The following TNC variants were observed in gnomAD, a reference collection of about 807,000 sequenced individuals.
TNC encodes the protein tenascin C, also known as tenascin.
A neutral mutation model predicts 202.4 loss-of-function variants in TNC; 109 were observed. That is an observed-to-expected ratio of 0.54 (90% CI 0.46 to 0.63). The LOEUF is 0.63. Ranked by LOEUF, TNC falls within the 30% of genes least tolerant of loss-of-function variation. TNC has a pLI of 0.00. For missense variants in TNC, 2,756 were observed against 2,833.3 expected (o/e 0.97, Z 0.62); for synonymous variants, 1,007 against 1,089.7 (o/e 0.92, Z 1.50).
intron 16 of TNC, among the ~76,000 whole-genome samples, 170 bp downstream of exon 16, chr9:115,048,090 T>G (rs544960474): frequency 1.3e-5 from 2 of 152,236 alleles, no homozygotes; most frequent in East Asian, 3.9e-4. Context: ...GGAGTGTTCA[T>G]TAAGTACATA....
At chr9:115,117,573 C>G (rs1280805930) in intron 1 of TNC, among the ~76,000 whole-genome samples, 1 of 152,206 alleles carries the variant, frequency 6.6e-6, no homozygotes, top group Non-Finnish European at 1.5e-5. Context: ...CTATCAAACT[C>G]CCTCTAACCC....
intron 1 of TNC, 32 bp from the exon 2 acceptor site, chr9:115,091,186 G>A (rs1246284627): frequency 2.0e-5 from 12 of 609,702 alleles, no homozygotes; most frequent in Non-Finnish European, 3.5e-5. Flanking sequence ...AAAATTATGA[G>A]TATCTACTAT....
At chr9:115,106,621 TC>T (rs1836635096) in intron 1 of TNC, among the ~76,000 whole-genome samples, 1 of 152,158 alleles carries the variant, frequency 6.6e-6, no homozygotes, top group Admixed American at 6.5e-5. Context: ...AAGCCTGCTC[TC>T]CTTGAGTCTG....
chr9:115,049,163 TA>T (rs1297185194), intron 15 of TNC, among the ~76,000 whole-genome samples: 1 of 152,124 alleles, frequency 6.6e-6, no homozygotes, highest in Admixed American at 6.5e-5. Context: ...TTTTCCTGGA[TA>T]AAGTTAGAAA....
rs749431495 is a variant in TNC, at chr9:115,081,801, C to G, written c.2375G>C (p.Gly792Ala). 2 of 1,613,660 alleles carry G rather than the reference C, an allele frequency of 1.2e-6. No homozygotes were observed. The highest frequency in any genetic ancestry group is 2.2e-5 in the South Asian group (2 of 90,992). ...SLHIVKNNTR[G>A]PGLKRVTTTR... Reference sequence around the variant, plus strand: ...GGTGGTCACCCTCTTCAGGCCAGGGCCCCGGGTATTGTTTTTCACTATGTG... The same window carrying G: ...GGTGGTCACCCTCTTCAGGCCAGGGGCCCGGGTATTGTTTTTCACTATGTG... Residue 792 changes from glycine (G) to alanine (A), a missense_variant, in exon 6 of 28, where the codon GGC becomes GCC. Physicochemically the swap from Gly to Ala is moderately conservative, Grantham distance 60. Transcript: ENST00000350763.
At chr9:115,021,435 G>A (rs917641480) in intron 27 of TNC, among the ~76,000 whole-genome samples, 168 bp from the exon 28 acceptor site, 14 of 152,174 alleles carry the variant, frequency 9.2e-5, no homozygotes, top group African/African-American at 3.4e-4. Flanking sequence ...CTATCTCTCT[G>A]TTGGTCTGGG....
intron 23 of TNC, among the ~76,000 whole-genome samples, chr9:115,030,993 C>T (rs1163323032): frequency 6.6e-6 from 1 of 152,230 alleles, no homozygotes. Flanking sequence ...GTCATTTAGT[C>T]TCTGAAAGTG....
At position 115,022,752 on chromosome 9, in the gene TNC, G is replaced by T. The variant is rs58724587; in HGVS notation, c.6495+1221C>A. Among the ~76,000 whole-genome samples the T allele has an allele frequency of 4.4e-3, 677 of 152,186 alleles. 9 individuals carry two copies. The highest frequency in any genetic ancestry group is 0.015 in the African/African-American group (624 of 41,514). On this transcript the variant is annotated intron_variant, in intron 27 of 27. Coordinates refer to ENST00000350763, the MANE Select transcript of TNC (RefSeq NM_002160.4). The stretch of plus-strand genomic sequence containing the variant: ...GACTCTTGCCTCCTCTGTAAAACAG[G>T]CATGAAAAACCACATCCTAATTCCT...
At chr9:115,049,700 A>G (rs1021615260) in intron 15 of TNC, among the ~76,000 whole-genome samples, 5 of 152,108 alleles carry the variant, frequency 3.3e-5, no homozygotes, top group African/African-American at 9.6e-5. Context: ...ATCAGAAGAA[A>G]AAAAGGAGAC....
chr9:115,035,107 C>A, intron 22 of TNC, 97 bp downstream of exon 22: 2 of 1,401,238 alleles, frequency 1.4e-6, no homozygotes, highest in Non-Finnish European at 1.9e-6. Flanking sequence ...CCCAGATGCA[C>A]TGGGGTAGAA....
In TNC at chr9:115,048,304, G is replaced by A. The variant is rs1554797118; in HGVS notation, c.4808C>T (p.Thr1603Ile). The A allele has an allele frequency of 1.2e-6, 2 of 1,614,036 alleles. No homozygotes were observed. The highest frequency in any genetic ancestry group is 1.7e-6 in the Non-Finnish European group (2 of 1,179,946). ...IGYEVMVSGF[T>I]QGHQTKPLRA... ...CAAGGGCTTGGTTTGATGCCCTTGG[G>A]TGAAGCCAGAGACCATAACCTCATA... The change falls in exon 16 of 28, where the codon ACC becomes ATC. Residue 1603 changes from threonine to isoleucine, a missense_variant. Physicochemically the swap from Thr to Ile is moderately conservative, Grantham distance 89 (BLOSUM62 -1). This residue lies in a region of TNC where 2,559 missense variants were observed against 2,546.0 expected (regional missense o/e 1.01). Coordinates refer to ENST00000350763, the MANE Select transcript of TNC (RefSeq NM_002160.4).
chr9:115,025,126 T>C (rs1043706714), intron 26 of TNC, among the ~76,000 whole-genome samples: 1 of 152,236 alleles, frequency 6.6e-6, no homozygotes, highest in Admixed American at 6.5e-5. Flanking sequence ...GGAAATATTA[T>C]GGCTCATTCC....
rs141013005 is a variant in TNC at position 115,063,006 on chromosome 9, C to T, written c.3944G>A (p.Gly1315Asp). 6.2e-7 allele frequency: 1 copy of T among 1,614,094 alleles called. No homozygotes were observed. Among genetic ancestry groups the T allele is most frequent in the Non-Finnish European group, 8.5e-7 (1 of 1,180,026 alleles). ...PGSLRSMEIP[G>D]LRAGTPYTVT... Reference sequence around the variant, plus strand: ...TGTGTAAGGAGTGCCAGCCCTGAGGCCTGGGATTTCCATGGAACGCAGGCT... The same window carrying T: ...TGTGTAAGGAGTGCCAGCCCTGAGGTCTGGGATTTCCATGGAACGCAGGCT... Residue 1315 changes from glycine (G) to aspartate (D), a missense_variant, in exon 13 of 28, where the codon GGC becomes GAC. By Grantham distance (94) the Gly-to-Asp change is moderately conservative (BLOSUM62 -1). This residue lies in a region of TNC where 2,559 missense variants were observed against 2,546.0 expected (regional missense o/e 1.01). Transcript: ENST00000350763.
At chr9:115,076,692 C>G in intron 7 of TNC, 117 bp from the exon 8 acceptor site, 1 of 1,126,140 alleles carries the variant, frequency 8.9e-7, no homozygotes, top group Non-Finnish European at 1.3e-6. Flanking sequence ...TTACAAAATT[C>G]TCAGCACACT....
rs534663416 is a variant in TNC at position 115,096,222 on chromosome 9, G to A, written c.-136-5068C>T. On this transcript the variant is annotated intron_variant, in intron 1 of 27. Transcript: ENST00000350763. Reference sequence around the variant, plus strand: ...TAAAATCCACAATAAAAACTTCCCCGTGAGATAGAAAATTTAAAAAGAGAT... The same window carrying A: ...TAAAATCCACAATAAAAACTTCCCCATGAGATAGAAAATTTAAAAAGAGAT... 7.9e-5 allele frequency among the ~76,000 whole-genome samples: 12 copies of A among 152,066 alleles called. No individual in the cohort carries two copies. In the South Asian group the frequency reaches 1.0e-3, roughly 13 times the overall value.
intron 2 of TNC, among the ~76,000 whole-genome samples, chr9:115,089,336 T>C (rs952690590): frequency 3.9e-5 from 6 of 152,216 alleles, no homozygotes; most frequent in East Asian, 1.9e-4. Context: ...TTGAAACTCA[T>C]GTAGCTTTAT....
chr9:115,027,699 A>T (rs1829620730), intron 25 of TNC, among the ~76,000 whole-genome samples: 1 of 152,202 alleles, frequency 6.6e-6, no homozygotes, highest in African/African-American at 2.4e-5. Flanking sequence ...TTTCTGGGGT[A>T]GGCAGTGGTG....
chr9:115,082,454 C>T (rs1834375006), intron 5 of TNC, among the ~76,000 whole-genome samples: 1 of 152,158 alleles, frequency 6.6e-6, no homozygotes, highest in South Asian at 2.1e-4. Flanking sequence ...CAATTGGAAC[C>T]TTGAGGTGAC....
rs2274753 is a variant in TNC, at chr9:115,030,597, A to T, written c.5921-192T>A. On this transcript the variant is annotated intron_variant, in intron 23 of 27. Coordinates refer to ENST00000350763, the MANE Select transcript of TNC (RefSeq NM_002160.4). Reference sequence around the variant, plus strand: ...TAGTAGATGGGTCTTAGAGCTGATGATCATAGCAGTTCTTTTTTCTGATCT... The same window carrying T: ...TAGTAGATGGGTCTTAGAGCTGATGTTCATAGCAGTTCTTTTTTCTGATCT... Among the ~76,000 whole-genome samples the T allele has an allele frequency of 0.032, 4,906 of 152,288 alleles. 202 individuals carry two copies. The highest frequency in any genetic ancestry group is 0.11 in the East Asian group (549 of 5,182).
Sources: gnomAD v4.1 joint callset for allele counts (sites outside exome capture counted in the v4.1 genomes callset) on GRCh38, gnomAD v4.1.1 for gene constraint, gnomAD v4.1.1 regional missense constraint, MANE v1.5 for transcripts, NCBI Gene and HGNC (gene_info 2026-07-23, HGNC 2026-07-21) for gene names.